CKAP2: variants seen among roughly 807,000 people sequenced by gnomAD.
CKAP2 encodes cytoskeleton-associated protein 2.
Under a neutral mutation model 58.4 loss-of-function variants are expected in CKAP2, and 46 were observed. The observed-to-expected ratio is 0.79, with a 90% CI of 0.62 to 1.01. CKAP2 has a LOEUF of 1.01. Among genes scored for constraint, CKAP2 ranks in the 50% least tolerant of loss-of-function variants. The pLI, the probability that CKAP2 is intolerant of heterozygous loss-of-function variation, is 0.00. For missense variants in CKAP2, 809 were observed against 796.4 expected (o/e 1.02, Z -0.19); for synonymous variants, 293 against 280.9 (o/e 1.04, Z -0.43).
intron 7 of CKAP2, 126 bp from the exon 8 acceptor site, chr13:52,473,703 G>A (rs1958789275): frequency 1.3e-6 from 1 of 746,982 alleles, no homozygotes; most frequent in Non-Finnish European, 2.2e-6. Context: ...GAAAAGGAAT[G>A]GTTCAGAGAT....
At chr13:52,472,657 T>C (rs1958775926) in intron 7 of CKAP2, among the ~76,000 whole-genome samples, 1 of 152,042 alleles carries the variant, frequency 6.6e-6, no homozygotes, top group Non-Finnish European at 1.5e-5. Context: ...GAAAAAACTC[T>C]TCTCTGGCAT....
chr13:52,463,855 C>G (rs1159351339), intron 5 of CKAP2, among the ~76,000 whole-genome samples: 1 of 152,158 alleles, frequency 6.6e-6, no homozygotes, highest in African/African-American at 2.4e-5. Context: ...TGGATAAATG[C>G]TGCTCTAGTT....
At position 52,456,648 on chromosome 13, in the gene CKAP2, A is replaced by T. The variant is rs758458305; in HGVS notation, c.155+41A>T. On this transcript the variant is annotated intron_variant, in intron 2 of 8. Transcript: ENST00000258607. ...TTTCTTTTCACTTCTGTAAAATTGT[A>T]TCAGATCTGTCCAATGAAAATGTAA... is the stretch of plus-strand genomic sequence containing the variant. 3.5e-6 allele frequency: 5 copies of T among 1,443,228 alleles called. No individual in the cohort carries two copies. In the African/African-American group the frequency reaches 7.0e-5, roughly 20 times the overall value. 89.4% of individuals were successfully genotyped at this position (1,443,228 alleles called of 1,614,324 possible).
intron 6 of CKAP2, among the ~76,000 whole-genome samples, chr13:52,466,158 A>G (rs1958674973): frequency 6.6e-6 from 1 of 152,034 alleles, no homozygotes; most frequent in Non-Finnish European, 1.5e-5. Flanking sequence ...CCTCGATACC[A>G]TACTCCTTAT....
In CKAP2 at chr13:52,461,498, T is replaced by A. The variant is rs755783909; in HGVS notation, c.672T>A (p.Ser224Arg). 1 of 1,614,106 alleles carries A rather than the reference T, an allele frequency of 6.2e-7. No homozygotes were observed. The highest frequency in any genetic ancestry group is 1.3e-5 in the African/African-American group (1 of 75,004). The change falls in exon 4 of 9, where the codon AGT becomes AGA. Residue 224 changes from serine (S) to arginine (R), a missense_variant. Transcript: ENST00000258607. ...AACCTCAGCCTGTAAACACCAGCAG[T>A]GTAACAGTGAAAAGTAATAGATCCT... ...ATKPQPVNTS[S>R]VTVKSNRSSN... is the part of the protein sequence containing the mutation.
chr13:52,462,728 C>A (rs183989100), intron 5 of CKAP2, among the ~76,000 whole-genome samples, 161 bp downstream of exon 5: 2 of 152,076 alleles, frequency 1.3e-5, no homozygotes, highest in Admixed American at 6.6e-5. Flanking sequence ...TATTTAATTG[C>A]GAGATACACT....
In CKAP2 at chr13:52,473,988, C is replaced by A; in HGVS notation, c.1706C>A (p.Thr569Lys). The A allele has an allele frequency of 6.2e-7, 1 of 1,614,032 alleles. No homozygotes were observed. Among genetic ancestry groups the A allele is most frequent in the Non-Finnish European group, 8.5e-7 (1 of 1,179,966 alleles). Residue 569 changes from threonine to lysine, a missense_variant, in exon 8 of 9, where the codon ACA (threonine) becomes AAA (lysine). Around this residue, in one of 3 missense-constraint regions of CKAP2, gnomAD observed 283 missense variants for 287.6 expected, o/e 0.98. Coordinates refer to ENST00000258607, the MANE Select transcript of CKAP2 (RefSeq NM_018204.5). ...QDCEKEQDNKTKDPTHDVKTP... is the reference protein window; with the variant it reads ...QDCEKEQDNKKKDPTHDVKTP... Reference sequence around the variant, plus strand: ...TGTGAAAAAGAGCAAGACAACAAAACAAAAGATCCAACCCATGATGTTAAA... The same window carrying A: ...TGTGAAAAAGAGCAAGACAACAAAAAAAAAGATCCAACCCATGATGTTAAA...
Position 52,461,593 on chromosome 13 carries a change from T to G in CKAP2, c.767T>G (p.Ile256Ser), listed in dbSNP as rs1958581299. 1 of 1,614,018 alleles carries G rather than the reference T, an allele frequency of 6.2e-7. No individual in the cohort carries two copies. The highest frequency in any genetic ancestry group is 1.3e-5 in the African/African-American group (1 of 74,908). ...SQNTQLVRPP[I>S]RSHHSNTRDT... ...AACACACAACTTGTGCGACCTCCTA[T>G]TAGAAGTCATCACAGTAATACCCGG... The change falls in exon 4 of 9, where the codon ATT becomes AGT. Residue 256 changes from isoleucine to serine, a missense_variant. Physicochemically the swap from Ile to Ser is moderately radical, Grantham distance 142 (BLOSUM62 -2). This residue lies in a region of CKAP2 where 523 missense variants were observed against 492.4 expected (regional missense o/e 1.06). Coordinates refer to ENST00000258607, the MANE Select transcript of CKAP2 (RefSeq NM_018204.5).
chr13:52,468,396 T>G (rs1361339262), intron 7 of CKAP2, 49 bp downstream of exon 7: 4 of 1,169,648 alleles, frequency 3.4e-6, no homozygotes, highest in Non-Finnish European at 5.0e-6. Context: ...AGTTTTTTTT[T>G]GTTGTTGTTT....
Position 52,460,992 on chromosome 13 carries a change from C to T in CKAP2, c.231+18C>T, listed in dbSNP as rs1253265208. The T allele has an allele frequency of 6.2e-7, 1 of 1,608,540 alleles. No homozygotes were observed. The highest frequency in any genetic ancestry group is 8.5e-7 in the Non-Finnish European group (1 of 1,178,484). ...CAAAAATGGTAAGATGTGGACATAG[C>T]ACTCTTAAACTGTCCCCTTTTCCAT... On this transcript the variant is annotated intron_variant, in intron 3 of 8. Coordinates refer to ENST00000258607, the MANE Select transcript of CKAP2 (RefSeq NM_018204.5).
chr13:52,464,026 AT>A (rs1287168922), intron 5 of CKAP2, among the ~76,000 whole-genome samples: 3 of 152,170 alleles, frequency 2.0e-5, no homozygotes, highest in Non-Finnish European at 2.9e-5. Context: ...CAAAGGGATA[AT>A]TGGGTTTTTT....
rs1461057051 is a variant in CKAP2, at chr13:52,475,550, C to T, written c.*409C>T. On this transcript the variant is annotated 3_prime_UTR_variant, in exon 9 of 9. Transcript: ENST00000258607. ...TTAAAAGTTATGATGTACCTCCCTG[C>T]CTTTAAACAGAATACTTTTTTCTTT... is the stretch of plus-strand genomic sequence containing the variant. 6.5e-6 allele frequency: 1 copy of T among 154,856 alleles called. No homozygotes were observed. Among genetic ancestry groups the T allele is most frequent in the African/African-American group, 2.4e-5 (1 of 41,530 alleles). 9.6% of individuals were successfully genotyped at this position (154,856 alleles called of 1,614,324 possible). A position where few individuals can be genotyped will look rare whatever the true frequency, so the allele number is the denominator to read the frequency against.
rs1958481012 is a variant in CKAP2 at position 52,456,450 on chromosome 13, G to A, written c.71-73G>A. Reference sequence around the variant, plus strand: ...GCTTTGGAAGTAAACTCTTCATTTAGTCAACAAGATTTATTTGCCGTTATC... The same window carrying A: ...GCTTTGGAAGTAAACTCTTCATTTAATCAACAAGATTTATTTGCCGTTATC... On this transcript the variant is annotated intron_variant, in intron 1 of 8. Transcript: ENST00000258607. 4 of 1,193,242 alleles carry A rather than the reference G, an allele frequency of 3.4e-6. No individual in the cohort carries two copies. In the South Asian group the frequency reaches 3.9e-5, roughly 11 times the overall value. The allele number at this position is 1,193,242 out of a possible 1,614,324, so 73.9% of individuals were successfully genotyped here. A position where few individuals can be genotyped will look rare whatever the true frequency, so the allele number is the denominator to read the frequency against.
chr13:52,474,207 C>T (rs944244178), intron 8 of CKAP2, 123 bp downstream of exon 8: 96 of 990,394 alleles, frequency 9.7e-5, no homozygotes, highest in South Asian at 4.3e-4. Flanking sequence ...AATTTCAGTA[C>T]GGGCATGGTG....
chr13:52,466,518 G>A (rs1364104119), intron 6 of CKAP2, among the ~76,000 whole-genome samples: 1 of 152,210 alleles, frequency 6.6e-6, no homozygotes, highest in Admixed American at 6.5e-5. Flanking sequence ...GGAGGGGAGT[G>A]TTAGGCCCCT....
chr13:52,468,401 T>C, intron 7 of CKAP2, 54 bp downstream of exon 7: 4 of 1,130,114 alleles, frequency 3.5e-6, no homozygotes, highest in South Asian at 1.4e-5. Context: ...TTTTTTGTTG[T>C]TGTTTTTTAA....
At position 52,461,847 on chromosome 13, in the gene CKAP2, G is replaced by T. The variant is rs1354868359; in HGVS notation, c.1021G>T (p.Asp341Tyr). The change falls in exon 4 of 9, where the codon GAC becomes TAC. Residue 341 changes from aspartate to tyrosine, a missense_variant. Coordinates refer to ENST00000258607, the MANE Select transcript of CKAP2 (RefSeq NM_018204.5). The part of the protein sequence containing the change: ...DKLMEKSEPV[D>Y]QRRHTAGKAI... ...ACTGATGGAAAAGTCAGAGCCCGTT[G>T]ACCAGCGAAGACATACTGCAGGAAA... is the stretch of plus-strand genomic sequence containing the variant. 2 of 1,614,088 alleles carry T rather than the reference G, an allele frequency of 1.2e-6. No homozygotes were observed. The highest frequency in any genetic ancestry group is 3.3e-5 in the Admixed American group (2 of 60,014).
intron 2 of CKAP2, among the ~76,000 whole-genome samples, chr13:52,460,093 A>G (rs570179634): frequency 2.0e-5 from 3 of 152,084 alleles, no homozygotes; most frequent in Non-Finnish European, 4.4e-5. Context: ...TCCTGAGCTC[A>G]AGTAATCCCC....
chr13:52,473,926 G>A lies in CKAP2; in HGVS notation c.1644G>A (p.Met548Ile). Reference sequence around the variant, plus strand: ...ATGTAGATCCAGAAAAACTGGAAATGGAGAGTAAACTTCATAGAAATTTGC... The same window carrying A: ...ATGTAGATCCAGAAAAACTGGAAATAGAGAGTAAACTTCATAGAAATTTGC... ...GVDVDPEKLE[M>I]ESKLHRNLLF... Residue 548 changes from methionine to isoleucine, a missense_variant, in exon 8 of 9, where the codon ATG becomes ATA. Coordinates refer to ENST00000258607, the MANE Select transcript of CKAP2 (RefSeq NM_018204.5). The A allele has an allele frequency of 6.2e-7, 1 of 1,613,950 alleles. No homozygotes were observed.
Sources: allele counts gnomAD v4.1 joint callset (sites outside exome capture counted in the v4.1 genomes callset), GRCh38; gene constraint gnomAD v4.1.1; regional missense constraint gnomAD v4.1.1; transcripts MANE v1.5; gene names NCBI Gene and HGNC (gene_info 2026-07-23, HGNC 2026-07-21).